The following PCLO variants were observed in gnomAD, a reference collection of about 807,000 sequenced individuals.
PCLO encodes piccolo presynaptic cytomatrix protein, also known as protein piccolo.
Under a neutral mutation model 427.5 loss-of-function variants are expected in PCLO, and 82 were observed. The ratio of observed to expected loss-of-function variants is 0.19; its 90% CI spans 0.16 to 0.23. The LOEUF (loss-of-function observed/expected upper bound fraction) is 0.23. Among genes scored for constraint, PCLO ranks in the 10% least tolerant of loss-of-function variants. PCLO has a pLI of 1.00. For synonymous variants in PCLO, 2,357 were observed against 2,155.4 expected (o/e 1.09, Z -2.59); for missense variants, 6,239 against 6,115.9 (o/e 1.02, Z -0.67).
chr7:83,110,503 C>T (rs1790976230), intron 3 of PCLO, among the ~76,000 whole-genome samples: 1 of 152,022 alleles, frequency 6.6e-6, no homozygotes, highest in African/African-American at 2.4e-5. Context: ...TCTTTCCTGA[C>T]AAAATTTGTC....
chr7:82,948,357 T>G (rs1795252643), intron 6 of PCLO, among the ~76,000 whole-genome samples: 1 of 151,972 alleles, frequency 6.6e-6, no homozygotes, highest in South Asian at 2.1e-4. Context: ...AAATTTATAA[T>G]TTACTATTAT....
At chr7:82,931,471 C>T (rs750363146) in intron 6 of PCLO, among the ~76,000 whole-genome samples, 1 of 152,062 alleles carries the variant, frequency 6.6e-6, no homozygotes, top group South Asian at 2.1e-4. Flanking sequence ...TCCTCTTGCT[C>T]ATGGTTTCTC....
At chr7:82,974,158 G>A (rs573989187) in intron 3 of PCLO, among the ~76,000 whole-genome samples, 2 of 152,174 alleles carry the variant, frequency 1.3e-5, no homozygotes, top group South Asian at 2.1e-4. Flanking sequence ...AGACCGAGGT[G>A]GGTAGATCTC....
At position 82,953,008 on chromosome 7, in the gene PCLO, A is replaced by G; in HGVS notation, c.7945T>C (p.Ser2649Pro). The change falls in exon 5 of 25, where the codon TCT becomes CCT. Residue 2649 changes from serine (S) to proline (P), a missense_variant. Physicochemically the swap from Ser to Pro is moderately conservative, Grantham distance 74. Around this residue, in one of 5 missense-constraint regions of PCLO, gnomAD observed 4,677 missense variants for 4,468.4 expected, o/e 1.05. Transcript: ENST00000333891. ...GAGGGTGCTGTGACAGGGGTAGCAG[A>G]AAATGTCTGTAAAGCTCCAGAGATG... Reference protein sequence around the residue: ...FYISGALQTFSATPVTAPSSF... With the variant: ...FYISGALQTFPATPVTAPSSF... The G allele has an allele frequency of 6.2e-7, 1 of 1,613,966 alleles. No homozygotes were observed. The highest frequency in any genetic ancestry group is 1.1e-5 in the South Asian group (1 of 91,086).
chr7:82,955,823 A>G lies in PCLO; in HGVS notation c.5130T>C (p.Asp1710=), dbSNP rs760040640. 3.7e-6 allele frequency: 6 copies of G among 1,613,802 alleles called. No individual in the cohort carries two copies. The highest frequency in any genetic ancestry group is 4.5e-5 in the East Asian group (2 of 44,868). The change falls in exon 5 of 25, where the codon GAT becomes GAC. Residue 1710 remains aspartate, a synonymous_variant. Coordinates refer to ENST00000333891, the MANE Select transcript of PCLO (RefSeq NM_033026.6). ...EMESLTDSPE[D]RSRGEGSSSL... ...TCGAAGATCCCTCTCCCCTTGACCT[A>G]TCTTCAGGTGAGTCTGTCAGGCTTT...
At chr7:83,133,201 A>G (rs1021892970) in intron 3 of PCLO, among the ~76,000 whole-genome samples, 10 of 152,044 alleles carry the variant, frequency 6.6e-5, no homozygotes, top group Non-Finnish European at 1.3e-4. Context: ...ACCACCAAAA[A>G]CAAACTCTAA....
chr7:82,982,617 C>T (rs986035790), intron 3 of PCLO, among the ~76,000 whole-genome samples: 6 of 151,826 alleles, frequency 4.0e-5, no homozygotes, highest in African/African-American at 1.5e-4. Flanking sequence ...AAAGCAAACA[C>T]AAATTTTACA....
intron 8 of PCLO, 63 bp downstream of exon 8, chr7:82,908,814 T>C: frequency 1.4e-6 from 2 of 1,398,608 alleles, no homozygotes; most frequent in South Asian, 1.2e-5. Context: ...ATTAAGACCA[T>C]TCTAGGGTAG....
At chr7:82,962,278 G>A (rs1795671079) in intron 4 of PCLO, among the ~76,000 whole-genome samples, 1 of 152,002 alleles carries the variant, frequency 6.6e-6, no homozygotes, top group Non-Finnish European at 1.5e-5. Flanking sequence ...TAACCATCTG[G>A]AATCTTCTTT....
At chr7:83,031,278 A>T (rs536491584) in intron 3 of PCLO, among the ~76,000 whole-genome samples, 116 of 152,338 alleles carry the variant, frequency 7.6e-4, no homozygotes, top group African/African-American at 2.2e-3. Flanking sequence ...CCTCTTCCAA[A>T]TACCACACTA....
chr7:83,089,753 C>G (rs1304007175), intron 3 of PCLO, among the ~76,000 whole-genome samples: 1 of 152,040 alleles, frequency 6.6e-6, no homozygotes, highest in Non-Finnish European at 1.5e-5. Flanking sequence ...GCACTAGTGC[C>G]CTGAGATCAC....
intron 3 of PCLO, among the ~76,000 whole-genome samples, chr7:83,015,401 G>A (rs2116019950): frequency 6.6e-6 from 1 of 151,858 alleles, no homozygotes; most frequent in South Asian, 2.1e-4. Flanking sequence ...ACCACTACAT[G>A]AGATTTCTTT....
At chr7:83,002,454 A>C (rs956825557) in intron 3 of PCLO, among the ~76,000 whole-genome samples, 6 of 151,920 alleles carry the variant, frequency 3.9e-5, no homozygotes, top group Admixed American at 2.6e-4. Context: ...TTCCCCACAC[A>C]ATGTATATTC....
intron 6 of PCLO, among the ~76,000 whole-genome samples, chr7:82,917,672 A>T (rs1463583977): frequency 7.2e-5 from 11 of 152,052 alleles, no homozygotes; most frequent in Admixed American, 7.2e-4. Context: ...GATGTACTTC[A>T]ATTTACCTAA....
intron 22 of PCLO, among the ~76,000 whole-genome samples, chr7:82,764,093 G>A (rs1790483988): frequency 6.6e-6 from 1 of 151,790 alleles, no homozygotes; most frequent in South Asian, 2.1e-4. Flanking sequence ...AGAATAGTAT[G>A]GAAATGTCAT....
intron 9 of PCLO, among the ~76,000 whole-genome samples, chr7:82,902,193 T>C (rs1794059642): frequency 6.6e-6 from 1 of 151,352 alleles, no homozygotes. Context: ...CCAACAATGA[T>C]AGACTGGATT....
chr7:83,053,014 G>T (rs904163921), intron 3 of PCLO, among the ~76,000 whole-genome samples: 4 of 151,890 alleles, frequency 2.6e-5, no homozygotes, highest in East Asian at 1.9e-4. Flanking sequence ...ATTCTTAAAA[G>T]GGTTTATATT....
chr7:82,869,040 T>C (rs17156772), intron 10 of PCLO, among the ~76,000 whole-genome samples: 3,411 of 152,184 alleles, frequency 0.022, 138 homozygotes, highest in African/African-American at 0.078. Context: ...CACAATTATG[T>C]TATAACACAG....
intron 2 of PCLO, among the ~76,000 whole-genome samples, chr7:83,152,205 C>A (rs1475005171): frequency 4.0e-5 from 6 of 151,852 alleles, no homozygotes; most frequent in Non-Finnish European, 7.4e-5. Context: ...ACCTCGTGAT[C>A]TGCCCGCCTC....
Sources: gnomAD v4.1 joint callset for allele counts (sites outside exome capture counted in the v4.1 genomes callset) on GRCh38, gnomAD v4.1.1 for gene constraint, gnomAD v4.1.1 regional missense constraint, MANE v1.5 for transcripts, NCBI Gene and HGNC (gene_info 2026-07-23, HGNC 2026-07-21) for gene names.